The following TGM2 variants were observed in gnomAD, a reference collection of about 807,000 sequenced individuals.
TGM2 encodes transglutaminase 2.
TGM2 carries 53 observed loss-of-function variants against 75.6 expected under a neutral mutation model. The ratio of observed to expected loss-of-function variants is 0.70; its 90% CI spans 0.56 to 0.88. TGM2 has a LOEUF of 0.88. Ranked by LOEUF, TGM2 falls within the 40% of genes least tolerant of loss-of-function variation. The pLI is 0.00. For missense variants in TGM2, 842 were observed against 928.5 expected, an observed-to-expected ratio of 0.91 and a Z score of 1.21; for synonymous variants, 374 against 381.1, an observed-to-expected ratio of 0.98 and a Z score of 0.22.
intron 4 of TGM2, among the ~76,000 whole-genome samples, chr20:38,150,312 G>T (rs2075101534): frequency 6.6e-6 from 1 of 152,238 alleles, no homozygotes; most frequent in African/African-American, 2.4e-5. Flanking sequence ...GCCCAGCCTA[G>T]ACAGCCATGC....
intron 1 of TGM2, among the ~76,000 whole-genome samples, chr20:38,164,445 G>A (rs2075288885): frequency 1.3e-5 from 2 of 152,156 alleles, no homozygotes; most frequent in African/African-American, 2.4e-5. Context: ...TGGGGAGGGA[G>A]TCAGGGGCAC....
chr20:38,168,273 G>A (rs1290229268), upstream of TGM2, among the ~76,000 whole-genome samples: 1 of 152,356 alleles, frequency 6.6e-6, no homozygotes, highest in East Asian at 1.9e-4. Flanking sequence ...TTGGCCCAGA[G>A]ACCTGGATTC....
intron 10 of TGM2, among the ~76,000 whole-genome samples, chr20:38,137,722 G>T (rs917411494): frequency 6.6e-6 from 1 of 152,176 alleles, no homozygotes; most frequent in Non-Finnish European, 1.5e-5. Context: ...AGGCATGAGG[G>T]GCTGGAGACA....
chr20:38,148,164 C>T (rs1221233802), intron 4 of TGM2, 75 bp from the exon 5 acceptor site: 2 of 1,595,770 alleles, frequency 1.3e-6, no homozygotes, highest in African/African-American at 2.7e-5. Context: ...GTTGAAGCCT[C>T]CAGCAGCTGT....
chr20:38,146,969 A>G, intron 5 of TGM2, 75 bp from the exon 6 acceptor site: 1 of 1,514,706 alleles, frequency 6.6e-7, no homozygotes. Flanking sequence ...GAGCCTGAGT[A>G]CAGCAGGGGG....
Position 38,132,486 on chromosome 20 carries a change from G to A in TGM2, c.1630C>T (p.Leu544Phe), listed in dbSNP as rs1056164205. Residue 544 changes from leucine (L) to phenylalanine (F), a missense_variant, in exon 11 of 13, where the codon CTT becomes TTT. Leu to Phe is a conservative substitution (Grantham distance 22). Transcript: ENST00000361475. ...LEPFSEKSVP[L>F]CILYEKYRDC... The stretch of plus-strand genomic sequence containing the variant: ...CGGTATTTCTCATAGAGGATGCAAA[G>A]AGGAACGCTCTTCTCTGCAGAAGGG... 1.9e-6 allele frequency: 3 copies of A among 1,614,028 alleles called. No individual in the cohort carries two copies. Among genetic ancestry groups the A allele is most frequent in the Admixed American group, 3.3e-5 (2 of 59,998 alleles).
intron 11 of TGM2, 85 bp downstream of exon 11, chr20:38,132,255 G>GGT: frequency 6.7e-7 from 1 of 1,488,812 alleles, no homozygotes; most frequent in South Asian, 1.1e-5. Context: ...CAGGGATGCA[G>GGT]GTGTGTGGGG....
intron 10 of TGM2, among the ~76,000 whole-genome samples, chr20:38,134,536 C>T (rs576323602): frequency 5.3e-5 from 8 of 152,212 alleles, no homozygotes; most frequent in Non-Finnish European, 8.8e-5. Context: ...CCAGTGGCCA[C>T]GGCCTTGGTC....
chr20:38,132,597 T>C (rs752532072), intron 10 of TGM2, 97 bp from the exon 11 acceptor site: 5 of 1,518,156 alleles, frequency 3.3e-6, no homozygotes, highest in East Asian at 2.3e-5. Flanking sequence ...AGGAATGTGC[T>C]TGGGGTCACA....
chr20:38,137,122 C>T (rs1395347836), intron 10 of TGM2, among the ~76,000 whole-genome samples: 7 of 152,182 alleles, frequency 4.6e-5, no homozygotes, highest in Admixed American at 1.3e-4. Flanking sequence ...ACCTTTGGCT[C>T]GCCGATCTGC....
In TGM2 at chr20:38,161,445, G is replaced by C. The variant is rs1029951023; in HGVS notation, c.165C>G (p.Asp55Glu). The part of the protein sequence containing the change: ...FEGRNYEASV[D>E]SLTFSVVTGP... ...CGGTCACGACACTGAAGGTGAGACT[G>C]TCTACACTGGCCTCGTAGTTGCGGC... The change falls in exon 2 of 13, where the codon GAC (aspartate) becomes GAG (glutamate). Residue 55 changes from aspartate (D) to glutamate (E), a missense_variant. Transcript: ENST00000361475. 1.2e-6 allele frequency: 2 copies of C among 1,614,160 alleles called. No homozygotes were observed. The highest frequency in any genetic ancestry group is 1.7e-6 in the Non-Finnish European group (2 of 1,180,020).
intron 3 of TGM2, among the ~76,000 whole-genome samples, chr20:38,151,495 G>A (rs1454956718): frequency 6.6e-6 from 1 of 152,204 alleles, no homozygotes; most frequent in Non-Finnish European, 1.5e-5. Context: ...GTGACCCTGG[G>A]TAGGCTACTT....
chr20:38,167,597 C>T (rs956094170), upstream of TGM2, among the ~76,000 whole-genome samples: 1 of 152,172 alleles, frequency 6.6e-6, no homozygotes, highest in Admixed American at 6.5e-5. Flanking sequence ...CCTCGACCTC[C>T]CAAAGTGCTG....
At chr20:38,165,149 G>A (rs45553738) in intron 1 of TGM2, 40 bp downstream of exon 1, 4 of 1,613,786 alleles carry the variant, frequency 2.5e-6, no homozygotes, top group Middle Eastern at 1.6e-4. Flanking sequence ...CCAATGCCCC[G>A]GGGCCCCTGA....
At chr20:38,157,108 G>C (rs1397866262) in intron 2 of TGM2, among the ~76,000 whole-genome samples, 1 of 152,178 alleles carries the variant, frequency 6.6e-6, no homozygotes, top group Non-Finnish European at 1.5e-5. Context: ...TGCCTGGCTG[G>C]GCGGGTGCCC....
intron 5 of TGM2, among the ~76,000 whole-genome samples, chr20:38,147,455 C>T (rs2075059644): frequency 6.6e-6 from 1 of 152,210 alleles, no homozygotes; most frequent in African/African-American, 2.4e-5. Flanking sequence ...GCTGTGCCCT[C>T]TGCCTGGAAT....
intron 12 of TGM2, 56 bp downstream of exon 12, chr20:38,131,037 C>G (rs531494883): frequency 6.2e-7 from 1 of 1,605,402 alleles, no homozygotes; most frequent in East Asian, 2.2e-5. Flanking sequence ...GTCTCTACCC[C>G]CACCGGCATC....
intron 3 of TGM2, among the ~76,000 whole-genome samples, chr20:38,153,400 C>T (rs1168594894): frequency 1.3e-5 from 2 of 151,922 alleles, no homozygotes; most frequent in Non-Finnish European, 1.5e-5. Flanking sequence ...TGGTGCATGC[C>T]TGTAATCCCA....
At chr20:38,153,263 G>A (rs2075136525) in intron 3 of TGM2, among the ~76,000 whole-genome samples, 1 of 152,082 alleles carries the variant, frequency 6.6e-6, no homozygotes, top group Admixed American at 6.6e-5. Context: ...GGTGGCTCAC[G>A]CCTGTAATCC....
Sources: gnomAD v4.1 joint callset for allele counts (sites outside exome capture counted in the v4.1 genomes callset) on GRCh38, gnomAD v4.1.1 for gene constraint, MANE v1.5 for transcripts, NCBI Gene and HGNC (gene_info 2026-07-23, HGNC 2026-07-21) for gene names.